Variants in CPN1 observed in about 807,000 individuals in gnomAD.
CPN1 encodes the protein carboxypeptidase N subunit 1, also known as carboxypeptidase N catalytic chain.
CPN1 carries 37 observed loss-of-function variants against 46.4 expected under a neutral mutation model. That is an observed-to-expected ratio of 0.80 (90% CI 0.61 to 1.05). CPN1 has a LOEUF of 1.05. CPN1 is among the 50% of genes least tolerant of loss of function. CPN1 has a pLI of 0.00. For missense variants in CPN1, 563 were observed against 602.6 expected, an observed-to-expected ratio of 0.93 and a Z score of 0.69; for synonymous variants, 224 against 235.4, an observed-to-expected ratio of 0.95 and a Z score of 0.44.
chr10:100,045,402 A>G (rs1346504563), intron 8 of CPN1, among the ~76,000 whole-genome samples: 1 of 152,228 alleles, frequency 6.6e-6, no homozygotes. Context: ...GGCTGCAATG[A>G]AAGATTTACT....
intron 5 of CPN1, among the ~76,000 whole-genome samples, chr10:100,061,102 G>A (rs1564773435): frequency 6.6e-6 from 1 of 151,986 alleles, no homozygotes; most frequent in African/African-American, 2.4e-5. Context: ...GGTGGGGGTG[G>A]GGAGAATGGG....
chr10:100,069,567 A>G, intron 3 of CPN1, 147 bp downstream of exon 3: 1 of 932,846 alleles, frequency 1.1e-6, no homozygotes, highest in Non-Finnish European at 1.7e-6. Flanking sequence ...GAAGAAATAT[A>G]TATTATTGCT....
chr10:100,059,123 T>C (rs2133435437), intron 5 of CPN1, among the ~76,000 whole-genome samples: 1 of 152,246 alleles, frequency 6.6e-6, no homozygotes, highest in Admixed American at 6.5e-5. Context: ...TGACATTGGA[T>C]TTGGCAATGA....
chr10:100,063,582 T>A (rs369777098), intron 5 of CPN1, 32 bp downstream of exon 5: 2 of 1,467,212 alleles, frequency 1.4e-6, no homozygotes, highest in African/African-American at 2.8e-5. Context: ...CTATTCCACT[T>A]CAGCTTGAGC....
At chr10:100,068,067 G>T (rs1239463972) in intron 3 of CPN1, among the ~76,000 whole-genome samples, 5 of 150,232 alleles carry the variant, frequency 3.3e-5, no homozygotes, top group Admixed American at 2.7e-4. Context: ...CAGGAGAATC[G>T]CTTGAACCCA....
intron 7 of CPN1, 105 bp downstream of exon 7, chr10:100,054,242 G>A: frequency 1.1e-6 from 1 of 870,170 alleles, no homozygotes; most frequent in Non-Finnish European, 2.0e-6. Context: ...CAGCATCCTT[G>A]ACACCCCTGC....
intron 2 of CPN1, among the ~76,000 whole-genome samples, chr10:100,073,056 G>A (rs2041494417): frequency 6.6e-6 from 1 of 152,128 alleles, no homozygotes; most frequent in Non-Finnish European, 1.5e-5. Flanking sequence ...CCAATAAAAT[G>A]CGGCAGATTA....
chr10:100,079,954 T>C (rs2041534872), intron 1 of CPN1, among the ~76,000 whole-genome samples: 1 of 152,060 alleles, frequency 6.6e-6, no homozygotes, highest in Admixed American at 6.6e-5. Context: ...GGCATGGTAG[T>C]GCACGCCTGT....
intron 8 of CPN1, 130 bp from the exon 9 acceptor site, chr10:100,042,703 T>C (rs1337738655): frequency 3.5e-6 from 4 of 1,156,374 alleles, no homozygotes; most frequent in Non-Finnish European, 5.0e-6. Flanking sequence ...TGGTGTCATA[T>C]AGACTTGGCT....
intron 7 of CPN1, among the ~76,000 whole-genome samples, chr10:100,049,823 A>G (rs2041339199): frequency 6.6e-6 from 1 of 152,226 alleles, no homozygotes; most frequent in Non-Finnish European, 1.5e-5. Flanking sequence ...TACACTGAAC[A>G]TGTTAAATGT....
intron 7 of CPN1, among the ~76,000 whole-genome samples, chr10:100,052,364 C>A (rs1374519285): frequency 6.6e-6 from 1 of 152,112 alleles, no homozygotes; most frequent in Non-Finnish European, 1.5e-5. Context: ...AGCCACCGCT[C>A]CTGGCCACAC....
chr10:100,047,658 G>A (rs1163015564), intron 8 of CPN1, among the ~76,000 whole-genome samples: 2 of 152,108 alleles, frequency 1.3e-5, no homozygotes, highest in Non-Finnish European at 1.5e-5. Flanking sequence ...GTGTATACAC[G>A]TTAAATAAAT....
intron 2 of CPN1, among the ~76,000 whole-genome samples, chr10:100,070,664 A>G (rs1042676908): frequency 5.9e-5 from 9 of 152,132 alleles, no homozygotes; most frequent in African/African-American, 1.9e-4. Flanking sequence ...GACTTATCCA[A>G]AGTCACAGTG....
chr10:100,065,312 G>A lies in CPN1; in HGVS notation c.635C>T (p.Ser212Leu). The change falls in exon 4 of 9, where the codon TCA becomes TTA. Residue 212 changes from serine (S) to leucine (L), a missense_variant. Coordinates refer to ENST00000370418, the MANE Select transcript of CPN1 (RefSeq NM_001308.3). ...RWMHSFNFVL[S>L]ANLHGGAVVA... Reference sequence around the variant, plus strand: ...CACCGCCCCTCCGTGGAGATTGGCTGAAAGAACAAAGTTGAAGGAGTGCAT... The same window carrying A: ...CACCGCCCCTCCGTGGAGATTGGCTAAAAGAACAAAGTTGAAGGAGTGCAT... The A allele has an allele frequency of 1.2e-6, 2 of 1,614,190 alleles. No individual in the cohort carries two copies. The highest frequency in any genetic ancestry group is 1.7e-6 in the Non-Finnish European group (2 of 1,180,024).
intron 4 of CPN1, among the ~76,000 whole-genome samples, chr10:100,064,819 A>G (rs1417346282): frequency 6.6e-6 from 1 of 152,014 alleles, no homozygotes; most frequent in Non-Finnish European, 1.5e-5. Context: ...ACCTAATACT[A>G]TCACAGTCTA....
intron 7 of CPN1, among the ~76,000 whole-genome samples, chr10:100,050,446 C>T (rs1232876346): frequency 6.6e-6 from 1 of 152,106 alleles, no homozygotes; most frequent in Admixed American, 6.6e-5. Context: ...ATTGTGAGCA[C>T]TCAAGCACAG....
chr10:100,065,332 G>A lies in CPN1; in HGVS notation c.615C>T (p.His205=). Reference sequence around the variant, plus strand: ...TGGCTGAAAGAACAAAGTTGAAGGAGTGCATCCACCGGATCACCGCCCGGG... The same window carrying A: ...TGGCTGAAAGAACAAAGTTGAAGGAATGCATCCACCGGATCACCGCCCGGG... The part of the protein sequence containing the change: ...PETRAVIRWM[H]SFNFVLSANL... Residue 205 remains histidine, a synonymous_variant, in exon 4 of 9, where the codon CAC becomes CAT. Coordinates refer to ENST00000370418, the MANE Select transcript of CPN1 (RefSeq NM_001308.3). 6.2e-7 allele frequency: 1 copy of A among 1,614,200 alleles called. No homozygotes were observed. The highest frequency in any genetic ancestry group is 8.5e-7 in the Non-Finnish European group (1 of 1,180,040).
intron 3 of CPN1, among the ~76,000 whole-genome samples, chr10:100,066,741 G>A (rs2041456559): frequency 6.6e-6 from 1 of 152,192 alleles, no homozygotes; most frequent in African/African-American, 2.4e-5. Flanking sequence ...CTGGACCAAG[G>A]TCAGCTCTAC....
chr10:100,047,831 A>C (rs536755266), intron 8 of CPN1, among the ~76,000 whole-genome samples: 1 of 146,510 alleles, frequency 6.8e-6, no homozygotes, highest in Non-Finnish European at 1.5e-5. Context: ...ACTAAAAAAA[A>C]CCCACCAAAA....
Sources: gnomAD v4.1 joint callset for allele counts (sites outside exome capture counted in the v4.1 genomes callset) on GRCh38, gnomAD v4.1.1 for gene constraint, MANE v1.5 for transcripts, NCBI Gene and HGNC (gene_info 2026-07-23, HGNC 2026-07-21) for gene names.